The following EIF4G3 variants were observed in gnomAD, a reference collection of about 807,000 sequenced individuals.
EIF4G3 encodes eukaryotic translation initiation factor 4 gamma 3, also known as eIF-4-gamma 3.
EIF4G3 carries 34 observed loss-of-function variants against 186.4 expected under a neutral mutation model. The observed-to-expected ratio is 0.18, with a 90% CI of 0.14 to 0.24. EIF4G3 has a LOEUF of 0.24. Among genes scored for constraint, EIF4G3 ranks in the 10% least tolerant of loss-of-function variants. The pLI, the probability that EIF4G3 is intolerant of heterozygous loss-of-function variation, is 1.00. For synonymous variants in EIF4G3, 673 were observed against 679.5 expected (o/e 0.99, Z 0.15); for missense variants, 1,536 against 1,948.5 (o/e 0.79, Z 3.99).
At chr1:20,939,980 G>A (rs1249147034) in intron 14 of EIF4G3, among the ~76,000 whole-genome samples, 1 of 146,834 alleles carries the variant, frequency 6.8e-6, no homozygotes, top group African/African-American at 2.5e-5. Context: ...TCAGCCTCCC[G>A]AGTAGCTGGG....
At chr1:21,037,254 C>G (rs1433831480) in intron 4 of EIF4G3, among the ~76,000 whole-genome samples, 1 of 148,482 alleles carries the variant, frequency 6.7e-6, no homozygotes, top group Non-Finnish European at 1.5e-5. Context: ...AAAAAAAAAG[C>G]TATTGCGCCA....
At chr1:21,094,131 A>G (rs2096285494) in intron 2 of EIF4G3, among the ~76,000 whole-genome samples, 2 of 151,758 alleles carry the variant, frequency 1.3e-5, no homozygotes, top group Non-Finnish European at 2.9e-5. Context: ...TTTTAAAAAA[A>G]GCCAGGATTT....
At chr1:20,958,705 A>T (rs2096497003) in intron 12 of EIF4G3, among the ~76,000 whole-genome samples, 1 of 152,224 alleles carries the variant, frequency 6.6e-6, no homozygotes, top group South Asian at 2.1e-4. Context: ...GTAAAGCCTC[A>T]GGTTACAAAA....
At chr1:20,909,067 G>A (rs773354454) in intron 14 of EIF4G3, among the ~76,000 whole-genome samples, 8 of 151,872 alleles carry the variant, frequency 5.3e-5, no homozygotes, top group Non-Finnish European at 1.0e-4. Flanking sequence ...CAGGAGAATC[G>A]CTTGAACCTG....
At chr1:20,984,354 C>T (rs1000668259) in intron 7 of EIF4G3, among the ~76,000 whole-genome samples, 2 of 151,574 alleles carry the variant, frequency 1.3e-5, no homozygotes, top group Admixed American at 6.6e-5. Context: ...TTAGTAGAGA[C>T]GGGGTTTCAC....
At chr1:21,048,965 A>G (rs1482412143) in intron 4 of EIF4G3, among the ~76,000 whole-genome samples, 1 of 152,192 alleles carries the variant, frequency 6.6e-6, no homozygotes, top group Non-Finnish European at 1.5e-5. Context: ...GGAAGTTTCC[A>G]ATTTTGAGTA....
intron 33 of EIF4G3, 143 bp from the exon 34 acceptor site, chr1:20,817,681 G>GGT: frequency 6.7e-6 from 1 of 148,348 alleles, no homozygotes; most frequent in East Asian, 1.7e-4. Flanking sequence ...TATGTTTGTA[G>GGT]TTTTTTTTTT....
At chr1:21,096,338 T>C (rs2096369275) in intron 2 of EIF4G3, among the ~76,000 whole-genome samples, 1 of 152,190 alleles carries the variant, frequency 6.6e-6, no homozygotes, top group Admixed American at 6.5e-5. Flanking sequence ...AAATAATGTA[T>C]ACACATGGAG....
chr1:20,878,418 A>G (rs2154553977), intron 20 of EIF4G3, among the ~76,000 whole-genome samples: 1 of 152,320 alleles, frequency 6.6e-6, no homozygotes, highest in Non-Finnish European at 1.5e-5. Context: ...AGATACTGCT[A>G]CATCACAAAA....
At chr1:20,829,335 A>G in intron 30 of EIF4G3, 63 bp from the exon 31 acceptor site, 1 of 1,577,168 alleles carries the variant, frequency 6.3e-7, no homozygotes, top group Non-Finnish European at 8.6e-7. Flanking sequence ...AATTAAATAA[A>G]GAGATAAAAA....
chr1:20,986,542 T>C (rs552831042), intron 7 of EIF4G3, among the ~76,000 whole-genome samples: 1 of 151,900 alleles, frequency 6.6e-6, no homozygotes, highest in East Asian at 1.9e-4. Context: ...TTAGAAAACC[T>C]GACCCATCCT....
intron 30 of EIF4G3, among the ~76,000 whole-genome samples, chr1:20,830,485 T>C (rs1571249252): frequency 1.3e-5 from 2 of 152,330 alleles, no homozygotes; most frequent in East Asian, 1.9e-4. Context: ...TGTGCATACT[T>C]TGGGTTCAGT....
intron 2 of EIF4G3, among the ~76,000 whole-genome samples, chr1:21,152,289 A>G (rs1047192781): frequency 1.2e-4 from 18 of 145,184 alleles, no homozygotes; most frequent in African/African-American, 4.7e-4. Flanking sequence ...GTGAGCCAAG[A>G]TGATGCCACT....
intron 7 of EIF4G3, among the ~76,000 whole-genome samples, chr1:20,982,673 G>A (rs1189807931): frequency 6.6e-6 from 1 of 152,194 alleles, no homozygotes; most frequent in Non-Finnish European, 1.5e-5. Flanking sequence ...ATAGCCACAA[G>A]TTATAGTAGT....
chr1:21,173,813 G>C (rs900432384), intron 2 of EIF4G3, among the ~76,000 whole-genome samples: 5 of 152,200 alleles, frequency 3.3e-5, no homozygotes, highest in African/African-American at 1.2e-4. Context: ...ATGCACTCCT[G>C]CCAAGATGCT....
chr1:21,154,392 C>G (rs1247193061), intron 2 of EIF4G3, among the ~76,000 whole-genome samples: 1 of 152,058 alleles, frequency 6.6e-6, no homozygotes, highest in South Asian at 2.1e-4. Context: ...AATCACTAAC[C>G]TTTTTTGTGA....
intron 3 of EIF4G3, among the ~76,000 whole-genome samples, chr1:21,052,920 T>C (rs1191062246): frequency 1.3e-5 from 2 of 152,196 alleles, no homozygotes; most frequent in African/African-American, 4.8e-5. Context: ...TGGCGTGATC[T>C]CGGCTCGCTA....
chr1:20,877,086 G>C (rs958152286), intron 20 of EIF4G3, among the ~76,000 whole-genome samples: 2 of 152,110 alleles, frequency 1.3e-5, no homozygotes, highest in Non-Finnish European at 2.9e-5. Flanking sequence ...TGTACTTATT[G>C]CCAGATCATT....
At chr1:21,003,246 A>G (rs2084074719) in intron 4 of EIF4G3, among the ~76,000 whole-genome samples, 1 of 149,560 alleles carries the variant, frequency 6.7e-6, no homozygotes, top group Non-Finnish European at 1.5e-5. Flanking sequence ...GGCCTCAAGC[A>G]ATACTCCTGC....
Sources: allele counts gnomAD v4.1 joint callset (sites outside exome capture counted in the v4.1 genomes callset), GRCh38; gene constraint gnomAD v4.1.1; transcripts MANE v1.5; gene names NCBI Gene and HGNC (gene_info 2026-07-23, HGNC 2026-07-21).